The following UNC5D variants were observed in gnomAD, a reference collection of about 807,000 sequenced individuals.
UNC5D encodes netrin receptor UNC5D.
UNC5D carries 39 observed loss-of-function variants against 105.4 expected under a neutral mutation model. That is an observed-to-expected ratio of 0.37 (90% CI 0.29 to 0.48). The LOEUF (loss-of-function observed/expected upper bound fraction) is 0.48. Ranked by LOEUF, UNC5D falls within the 20% of genes least tolerant of loss-of-function variation. The probability of loss-of-function intolerance (pLI) is 0.98; values close to 1 mark genes in which losing one functional copy is unlikely to be tolerated. For missense variants in UNC5D, 991 were observed against 1,202.4 expected, an observed-to-expected ratio of 0.82 and a Z score of 2.60; for synonymous variants, 452 against 450.4, an observed-to-expected ratio of 1.00 and a Z score of -0.04.
At chr8:35,249,298 C>A (rs1156565041) in intron 1 of UNC5D, among the ~76,000 whole-genome samples, 1 of 149,858 alleles carries the variant, frequency 6.7e-6, no homozygotes, top group African/African-American at 2.4e-5. Flanking sequence ...TGGCTCACGC[C>A]TGTAATCCCA....
At chr8:35,460,787 G>C (rs1808831168) in intron 1 of UNC5D, among the ~76,000 whole-genome samples, 1 of 152,160 alleles carries the variant, frequency 6.6e-6, no homozygotes, top group Non-Finnish European at 1.5e-5. Flanking sequence ...CTTCCTTGCT[G>C]TGTTCTGGGC....
At chr8:35,507,241 G>C (rs555289448) in intron 1 of UNC5D, among the ~76,000 whole-genome samples, 2 of 151,614 alleles carry the variant, frequency 1.3e-5, no homozygotes, top group East Asian at 3.9e-4. Context: ...ATTTTTAGTA[G>C]AGACGGGGTT....
At chr8:35,681,610 A>G (rs1825672561) in intron 4 of UNC5D, among the ~76,000 whole-genome samples, 1 of 152,172 alleles carries the variant, frequency 6.6e-6, no homozygotes, top group African/African-American at 2.4e-5. Context: ...GGCTCTGATC[A>G]TTGTTAGTAC....
At chr8:35,444,676 A>C (rs1048552370) in intron 1 of UNC5D, among the ~76,000 whole-genome samples, 33 of 152,080 alleles carry the variant, frequency 2.2e-4, no homozygotes, top group African/African-American at 7.9e-4. Flanking sequence ...TGGACCCAGG[A>C]TGGAAATTTC....
chr8:35,438,297 C>A (rs1022333497), intron 1 of UNC5D, among the ~76,000 whole-genome samples: 32 of 151,920 alleles, frequency 2.1e-4, no homozygotes, highest in African/African-American at 6.5e-4. Flanking sequence ...TTGTATAATG[C>A]GAATAAGGTT....
intron 1 of UNC5D, among the ~76,000 whole-genome samples, chr8:35,362,811 C>G (rs1428925397): frequency 6.6e-6 from 1 of 152,098 alleles, no homozygotes; most frequent in African/African-American, 2.4e-5. Flanking sequence ...AGTTCTTCAT[C>G]TCATCTCTCA....
chr8:35,393,723 C>A (rs956416450), intron 1 of UNC5D, among the ~76,000 whole-genome samples: 5 of 152,108 alleles, frequency 3.3e-5, no homozygotes, highest in African/African-American at 9.7e-5. Flanking sequence ...AAATGAAAAG[C>A]ACCTGTGATT....
intron 1 of UNC5D, among the ~76,000 whole-genome samples, chr8:35,244,018 G>C (rs2128803616): frequency 6.6e-6 from 1 of 152,284 alleles, no homozygotes; most frequent in East Asian, 1.9e-4. Flanking sequence ...TTCCTAGATA[G>C]ATTCTTCTAG....
chr8:35,568,596 A>C (rs1348671937), intron 3 of UNC5D, among the ~76,000 whole-genome samples: 1 of 152,176 alleles, frequency 6.6e-6, no homozygotes, highest in Non-Finnish European at 1.5e-5. Flanking sequence ...GGCTGAGGCA[A>C]GAGAATCGCT....
At chr8:35,721,514 C>T in intron 8 of UNC5D, 1 of 702,906 alleles carries the variant, frequency 1.4e-6, no homozygotes, top group Non-Finnish European at 2.6e-6. Flanking sequence ...CCGTCCTCTT[C>T]CACAATAAAT....
chr8:35,378,962 A>C (rs1802865317), intron 1 of UNC5D, among the ~76,000 whole-genome samples: 1 of 152,150 alleles, frequency 6.6e-6, no homozygotes, highest in South Asian at 2.1e-4. Flanking sequence ...CAGGTGCAGG[A>C]GTGGATGTGA....
At chr8:35,560,370 T>A (rs1371779193) in intron 2 of UNC5D, among the ~76,000 whole-genome samples, 1 of 152,208 alleles carries the variant, frequency 6.6e-6, no homozygotes, top group Admixed American at 6.5e-5. Context: ...AAAGCCGCAT[T>A]CCTTGGATAT....
chr8:35,400,543 T>C (rs926462881), intron 1 of UNC5D, among the ~76,000 whole-genome samples: 3 of 151,952 alleles, frequency 2.0e-5, no homozygotes, highest in South Asian at 2.1e-4. Flanking sequence ...GTAAACTTCA[T>C]TTTTTTGGTT....
chr8:35,719,069 T>G (rs759619157), intron 8 of UNC5D, among the ~76,000 whole-genome samples: 10 of 151,494 alleles, frequency 6.6e-5, no homozygotes, highest in African/African-American at 2.2e-4. Context: ...CAAGGTTCTT[T>G]AGGGAGTTGA....
chr8:35,574,094 T>C (rs1436561206), intron 3 of UNC5D, among the ~76,000 whole-genome samples: 1 of 152,200 alleles, frequency 6.6e-6, no homozygotes, highest in African/African-American at 2.4e-5. Flanking sequence ...CTAGGAATAT[T>C]CAATTATTTG....
chr8:35,473,306 A>T (rs560208648), intron 1 of UNC5D, among the ~76,000 whole-genome samples: 13 of 152,314 alleles, frequency 8.5e-5, no homozygotes, highest in African/African-American at 3.1e-4. Flanking sequence ...AAATTAGCGA[A>T]CTCAGATTTA....
At chr8:35,480,079 C>T (rs908993455) in intron 1 of UNC5D, among the ~76,000 whole-genome samples, 12 of 152,094 alleles carry the variant, frequency 7.9e-5, no homozygotes, top group African/African-American at 2.9e-4. Flanking sequence ...TAAATATATT[C>T]AAGATAATTT....
rs530848155 is a variant in UNC5D, at chr8:35,248,812, AAT to A, written c.103+12933_103+12934del. 7.9e-3 allele frequency among the ~76,000 whole-genome samples: 769 copies of A among 97,636 alleles called. 15 individuals carry two copies. Among genetic ancestry groups the A allele is most frequent in the African/African-American group, 0.031 (738 of 23,590 alleles). 64.1% of individuals were successfully genotyped at this position (97,636 alleles called of 152,430 possible). On this transcript the variant is annotated intron_variant, in intron 1 of 16. Coordinates refer to ENST00000404895, the MANE Select transcript of UNC5D (RefSeq NM_080872.4). The stretch of plus-strand genomic sequence containing the variant: ...TATAATATATAAAAATATAATATAT[AAT>A]ATATATAATATTTATATTTTAAAAA...
At chr8:35,255,783 G>T (rs1176365232) in intron 1 of UNC5D, 1 of 151,988 alleles carries the variant, frequency 6.6e-6, no homozygotes. Flanking sequence ...TGCTTTTTTT[G>T]TCTTAGATAG....
Sources: allele counts gnomAD v4.1 joint callset (sites outside exome capture counted in the v4.1 genomes callset), GRCh38; gene constraint gnomAD v4.1.1; transcripts MANE v1.5; gene names NCBI Gene and HGNC (gene_info 2026-07-23, HGNC 2026-07-21).